PIWIL1: variants seen among roughly 807,000 people sequenced by gnomAD.
PIWIL1 encodes the protein piwi-like protein 1.
Under a neutral mutation model 114.4 loss-of-function variants are expected in PIWIL1, and 73 were observed. The observed-to-expected ratio is 0.64, with a 90% CI of 0.53 to 0.78. The LOEUF (loss-of-function observed/expected upper bound fraction) is 0.78. Ranked by LOEUF, PIWIL1 falls within the 30% of genes least tolerant of loss-of-function variation. The pLI is 0.00. For missense variants in PIWIL1, 723 were observed against 1,063.1 expected, an observed-to-expected ratio of 0.68 and a Z score of 4.45; for synonymous variants, 375 against 369.0, an observed-to-expected ratio of 1.02 and a Z score of -0.19.
At chr12:130,425,322 T>G in the PIWIL1 span, 1 of 155,420 alleles carries the variant, frequency 6.4e-6, no homozygotes, top group Non-Finnish European at 1.4e-5. Flanking sequence ...GCCTGACCCG[T>G]CCCTGTCCAT....
At chr12:130,414,073 C>A in the PIWIL1 span, 32 of 1,588,030 alleles carry the variant, frequency 2.0e-5, no homozygotes, top group Non-Finnish European at 2.8e-5. Flanking sequence ...CCCCCATGAC[C>A]CAGACCCGCC....
the PIWIL1 span, chr12:130,383,325 C>T: frequency 1.3e-5 from 2 of 152,154 alleles, no homozygotes; most frequent in Non-Finnish European, 2.9e-5. Flanking sequence ...CTATGAGAAT[C>T]GGAGGCAGCT....
the PIWIL1 span, among the ~76,000 whole-genome samples, chr12:130,419,263 G>A: frequency 4.6e-5 from 7 of 152,122 alleles, no homozygotes; most frequent in African/African-American, 1.7e-4. The surrounding 1 kb of genome is among the most constrained non-coding windows in gnomAD (Gnocchi z 4.3). Flanking sequence ...GGGGGGAGTG[G>A]GCACTGCCTC....
chr12:130,371,385 A>T, intron 20 of PIWIL1, 62 bp downstream of exon 20: 1 of 1,612,288 alleles, frequency 6.2e-7, no homozygotes, highest in Non-Finnish European at 8.5e-7. Context: ...AAAATGAAAT[A>T]GCTGTGGTTT....
intron 19 of PIWIL1, among the ~76,000 whole-genome samples, chr12:130,368,168 TG>T (rs2136194626): frequency 6.6e-6 from 1 of 152,326 alleles, no homozygotes; most frequent in South Asian, 2.1e-4. Flanking sequence ...GCAGTGAGCA[TG>T]TTCGTGATGG....
At chr12:130,367,475 G>A (rs929858725) in intron 19 of PIWIL1, among the ~76,000 whole-genome samples, 6 of 152,198 alleles carry the variant, frequency 3.9e-5, no homozygotes, top group Admixed American at 1.3e-4. Flanking sequence ...TTCATTGGGG[G>A]AAAGAGGATT....
rs868797611 is a variant in PIWIL1, at chr12:130,346,412, G to A, written c.359G>A (p.Arg120Gln). 8.1e-6 allele frequency: 13 copies of A among 1,613,946 alleles called. No individual in the cohort carries two copies. The highest frequency in any genetic ancestry group is 2.7e-5 in the African/African-American group (2 of 74,892). The change falls in exon 5 of 21, where the codon CGG (arginine) becomes CAG (glutamine). Residue 120 changes from arginine to glutamine, a missense_variant. Arg to Gln is a conservative substitution (Grantham distance 43). Transcript: ENST00000245255. ...GTAAGGTTAAGCACTAACCATTTCCGGCTGACATCCCGTCCCCAGTGGGCC... is the reference window on the plus strand; with the variant it reads ...GTAAGGTTAAGCACTAACCATTTCCAGCTGACATCCCGTCCCCAGTGGGCC... ...IIVRLSTNHF[R>Q]LTSRPQWALY...
the PIWIL1 span, among the ~76,000 whole-genome samples, chr12:130,408,189 G>A: frequency 4.3e-4 from 65 of 152,350 alleles, no homozygotes; most frequent in South Asian, 1.2e-3. Context: ...AGGCCCTGCA[G>A]AGTGCACGGT....
In PIWIL1 at chr12:130,367,276, A is replaced by G. The variant is rs781749219; in HGVS notation, c.2321+18A>G. 3.1e-6 allele frequency: 5 copies of G among 1,598,440 alleles called. No individual in the cohort carries two copies. The East Asian group carries it at 6.8e-5, about 22-fold the overall frequency. On this transcript the variant is annotated intron_variant, in intron 19 of 20. Transcript: ENST00000245255. ...CCAGAATGGTAAGTTCCATGTGATG[A>G]GCTGAAGGTTGTTTTCTCCTTGGTG... is the stretch of plus-strand genomic sequence containing the variant.
At chr12:130,406,258 C>T in the PIWIL1 span, 5 of 1,564,714 alleles carry the variant, frequency 3.2e-6, no homozygotes, top group Non-Finnish European at 4.4e-6. Flanking sequence ...GGAGATGAAA[C>T]ATAAAATTAA....
chr12:130,371,702 T>G lies in PIWIL1; in HGVS notation c.*104T>G. 1 of 709,116 alleles carries G rather than the reference T, an allele frequency of 1.4e-6. No individual in the cohort carries two copies. Among genetic ancestry groups the G allele is most frequent in the Non-Finnish European group, 2.4e-6 (1 of 415,826 alleles). The allele number at this position is 709,116 out of a possible 1,614,324, so 43.9% of individuals were successfully genotyped here. On this transcript the variant is annotated 3_prime_UTR_variant, in exon 21 of 21. Transcript: ENST00000245255. Reference sequence around the variant, plus strand: ...AACTGTTATCTTTCTGGATGAAACTTGGGAAGGGGATTAGGAGATCTAGCA... The same window carrying G: ...AACTGTTATCTTTCTGGATGAAACTGGGGAAGGGGATTAGGAGATCTAGCA...
chr12:130,354,061 A>T (rs1169139580), intron 9 of PIWIL1, among the ~76,000 whole-genome samples: 2 of 152,194 alleles, frequency 1.3e-5, no homozygotes, highest in Non-Finnish European at 2.9e-5. Context: ...AAGATTTTAT[A>T]AAAAACTTTT....
the PIWIL1 span, among the ~76,000 whole-genome samples, chr12:130,393,101 T>G: frequency 8.2e-5 from 12 of 146,098 alleles, no homozygotes; most frequent in East Asian, 4.0e-4. Context: ...TCATCACGTG[T>G]GTCCGTCAGT....
downstream of PIWIL1, among the ~76,000 whole-genome samples, chr12:130,376,865 C>G (rs1157328026): frequency 6.6e-6 from 1 of 152,200 alleles, no homozygotes; most frequent in Non-Finnish European, 1.5e-5. Context: ...AGAGTCGTTG[C>G]CAGGTTCCCA....
At chr12:130,388,526 A>G in the PIWIL1 span, among the ~76,000 whole-genome samples, 1 of 152,256 alleles carries the variant, frequency 6.6e-6, no homozygotes, top group Non-Finnish European at 1.5e-5. Flanking sequence ...GCATAGAATC[A>G]ATAGGAATAT....
At chr12:130,356,790 C>A in intron 12 of PIWIL1, 128 bp from the exon 13 acceptor site, 1 of 592,358 alleles carries the variant, frequency 1.7e-6, no homozygotes, top group Non-Finnish European at 2.8e-6. Flanking sequence ...TTCTCTGTCC[C>A]TTTAATTCAA....
the PIWIL1 span, chr12:130,424,721 C>T: frequency 1.1e-5 from 14 of 1,232,270 alleles, no homozygotes; most frequent in Non-Finnish European, 1.2e-5. The surrounding 1 kb of genome is among the most constrained non-coding windows in gnomAD (Gnocchi z 9.8). Flanking sequence ...CTGCACCCTG[C>T]TTGTGTAGCA....
At chr12:130,414,160 C>T in the PIWIL1 span, 1 of 1,614,106 alleles carries the variant, frequency 6.2e-7, no homozygotes, top group Non-Finnish European at 8.5e-7. Flanking sequence ...GGAAGCTCCT[C>T]CTCTGCAGCA....
At chr12:130,382,551 CTT>C in the PIWIL1 span, among the ~76,000 whole-genome samples, 1 of 152,262 alleles carries the variant, frequency 6.6e-6, no homozygotes, top group South Asian at 2.1e-4. Flanking sequence ...TTTGTCGTCA[CTT>C]TAACCCCATT....
Sources: allele counts gnomAD v4.1 joint callset (sites outside exome capture counted in the v4.1 genomes callset), GRCh38; gene constraint gnomAD v4.1.1; non-coding constraint Gnocchi (gnomAD v3.1); transcripts MANE v1.5; gene names NCBI Gene and HGNC (gene_info 2026-07-23, HGNC 2026-07-21).